ATG7: variants seen among roughly 807,000 people sequenced by gnomAD.
The protein encoded by ATG7 is autophagy related 7.
In ATG7, 70 loss-of-function variants were observed where a neutral mutation model predicts 82.4. That is an observed-to-expected ratio of 0.85 (90% confidence interval 0.70 to 1.04). The LOEUF (loss-of-function observed/expected upper bound fraction) is 1.04. ATG7 is among the 50% of genes least tolerant of loss of function. ATG7 has a pLI of 0.00. For synonymous variants in ATG7, 287 were observed against 313.0 expected (o/e 0.92, Z 0.88); for missense variants, 792 against 864.3 (o/e 0.92, Z 1.05).
At chr3:11,399,151 C>A (rs2079573743) in intron 19 of ATG7, among the ~76,000 whole-genome samples, 1 of 152,158 alleles carries the variant, frequency 6.6e-6, no homozygotes, top group Non-Finnish European at 1.5e-5. Context: ...CATTCAAGAC[C>A]AGCCTGGCCA....
At chr3:11,548,520 C>T (rs2071480823) in intron 20 of ATG7, among the ~76,000 whole-genome samples, 1 of 152,230 alleles carries the variant, frequency 6.6e-6, no homozygotes, top group Non-Finnish European at 1.5e-5. Flanking sequence ...TTCATCCCCA[C>T]CTGCCCTCTA....
intron 19 of ATG7, among the ~76,000 whole-genome samples, chr3:11,381,605 T>C (rs780785750): frequency 2.6e-5 from 4 of 152,252 alleles, no homozygotes; most frequent in East Asian, 1.9e-4. Flanking sequence ...TTCACACTTA[T>C]TGTAAGCTTT....
chr3:11,494,914 A>C (rs1195520707), intron 20 of ATG7, among the ~76,000 whole-genome samples: 2 of 152,204 alleles, frequency 1.3e-5, no homozygotes, highest in African/African-American at 2.4e-5. Context: ...TGTACTAAAA[A>C]TACAAAAATT....
chr3:11,470,011 AG>A (rs2087302292), intron 20 of ATG7, among the ~76,000 whole-genome samples: 1 of 146,806 alleles, frequency 6.8e-6, no homozygotes, highest in African/African-American at 2.5e-5. Context: ...AAAAAAAAAG[AG>A]AGAGAGAGAT....
chr3:11,561,784 G>A (rs184858554), downstream of ATG7, among the ~76,000 whole-genome samples: 212 of 151,822 alleles, frequency 1.4e-3, 4 homozygotes, highest in South Asian at 0.028. Context: ...CCCTTCACCC[G>A]CTGTCCCACC....
chr3:11,278,507 A>G (rs1942378562), intron 1 of ATG7, among the ~76,000 whole-genome samples: 1 of 152,358 alleles, frequency 6.6e-6, no homozygotes, highest in Admixed American at 6.5e-5. Flanking sequence ...CAAACATACC[A>G]TCCTGGTTTG....
At chr3:11,294,850 C>G (rs1383864661) in intron 3 of ATG7, among the ~76,000 whole-genome samples, 1 of 152,196 alleles carries the variant, frequency 6.6e-6, no homozygotes, top group Non-Finnish European at 1.5e-5. Context: ...AGCAGTGGCT[C>G]ACACTTGTAA....
chr3:11,489,163 T>G (rs944341224), intron 20 of ATG7, among the ~76,000 whole-genome samples: 1 of 152,246 alleles, frequency 6.6e-6, no homozygotes, highest in Non-Finnish European at 1.5e-5. Flanking sequence ...TTTATCCATT[T>G]CTTCTAGATT....
chr3:11,408,098 T>G (rs77122928), intron 19 of ATG7, among the ~76,000 whole-genome samples: 43 of 152,366 alleles, frequency 2.8e-4, no homozygotes, highest in African/African-American at 9.9e-4. Context: ...CTGAATGCCT[T>G]TGACAGAACC....
intron 3 of ATG7, among the ~76,000 whole-genome samples, chr3:11,283,040 T>G (rs1943334608): frequency 6.6e-6 from 1 of 152,210 alleles, no homozygotes; most frequent in Non-Finnish European, 1.5e-5. Flanking sequence ...AGAAGGCACT[T>G]CAGGGCCAAA....
At chr3:11,559,316 G>T (rs1210708166), downstream of ATG7, 1 of 1,524,298 alleles carries the variant, frequency 6.6e-7, no homozygotes, top group Admixed American at 2.1e-5. Flanking sequence ...CAGGTGAGGA[G>T]GCCCGGGACA....
Position 11,360,071 on chromosome 3 carries a change from A to C in ATG7, c.1480-510A>C, listed in dbSNP as rs143933316. Among the ~76,000 whole-genome samples, 18 of 152,296 alleles carry C rather than the reference A, an allele frequency of 1.2e-4. 1 individual carries two copies. The highest frequency in any genetic ancestry group is 4.1e-4 in the African/African-American group (17 of 41,560). ...TTGCTTTTTTCTTTTTCAGAGATAG[A>C]ATCTTGCTCTGTCACCCAGGCTGGA... On this transcript the variant is annotated intron_variant, in intron 15 of 20. Coordinates refer to ENST00000693202, the MANE Select transcript of ATG7 (RefSeq NM_001349232.2).
chr3:11,562,471 C>G (rs2125117712), downstream of ATG7, among the ~76,000 whole-genome samples: 1 of 152,300 alleles, frequency 6.6e-6, no homozygotes, highest in South Asian at 2.1e-4. Flanking sequence ...CAGAGCTTTG[C>G]TGTCACCCCA....
intron 3 of ATG7, among the ~76,000 whole-genome samples, chr3:11,287,221 AC>A (rs1448231767): frequency 6.6e-6 from 1 of 152,136 alleles, no homozygotes; most frequent in African/African-American, 2.4e-5. Flanking sequence ...GAAAAACAAT[AC>A]CAAATGTCTA....
At chr3:11,417,525 T>G (rs1398034571) in intron 19 of ATG7, among the ~76,000 whole-genome samples, 1 of 152,136 alleles carries the variant, frequency 6.6e-6, no homozygotes, top group Non-Finnish European at 1.5e-5. Flanking sequence ...ATGGCGTATT[T>G]TTTTCCATCT....
At chr3:11,388,814 G>T (rs1444451702) in intron 19 of ATG7, among the ~76,000 whole-genome samples, 4 of 152,096 alleles carry the variant, frequency 2.6e-5, no homozygotes, top group Non-Finnish European at 5.9e-5. Flanking sequence ...AGGGAGGGAG[G>T]AACATGGACT....
chr3:11,402,952 A>G (rs987431196), intron 19 of ATG7, among the ~76,000 whole-genome samples: 89 of 152,324 alleles, frequency 5.8e-4, no homozygotes, highest in African/African-American at 2.0e-3. Flanking sequence ...ATAAATTTCA[A>G]TGCTTTTAAA....
chr3:11,407,276 A>G (rs993847522), intron 19 of ATG7, among the ~76,000 whole-genome samples: 1 of 152,334 alleles, frequency 6.6e-6, no homozygotes, highest in South Asian at 2.1e-4. Context: ...TCTCACATCC[A>G]GGTCATGCTG....
intron 19 of ATG7, among the ~76,000 whole-genome samples, chr3:11,414,000 T>TA (rs34673581): frequency 0.51 from 77,822 of 152,028 alleles, 20,820 homozygotes; most frequent in East Asian, 0.68. Flanking sequence ...TAGGTTATGG[T>TA]ATTAGGTTTG....
Sources: gnomAD v4.1 joint callset for allele counts (sites outside exome capture counted in the v4.1 genomes callset) on GRCh38, gnomAD v4.1.1 for gene constraint, MANE v1.5 for transcripts, NCBI Gene and HGNC (gene_info 2026-07-23, HGNC 2026-07-21) for gene names.